The following MTCH2 variants were observed in gnomAD, a reference collection of about 807,000 sequenced individuals.
The protein encoded by MTCH2 is mitochondrial carrier homolog 2.
MTCH2 carries 25 observed loss-of-function variants against 50.6 expected under a neutral mutation model. The observed-to-expected ratio is 0.49, with a 90% CI of 0.36 to 0.69. The LOEUF is 0.69. MTCH2 is among the 30% of genes least tolerant of loss of function. The probability of loss-of-function intolerance (pLI) is 0.00; values close to 1 mark genes in which losing one functional copy is unlikely to be tolerated. For missense variants in MTCH2, 273 were observed against 384.4 expected, an observed-to-expected ratio of 0.71 and a Z score of 2.42; for synonymous variants, 106 against 132.0, an observed-to-expected ratio of 0.80 and a Z score of 1.35.
chr11:47,631,657 G>A lies in MTCH2; in HGVS notation c.424C>T (p.His142Tyr). The A allele has an allele frequency of 6.2e-7, 1 of 1,613,934 alleles. No homozygotes were observed. Among genetic ancestry groups the A allele is most frequent in the Non-Finnish European group, 8.5e-7 (1 of 1,179,912 alleles). The change falls in exon 6 of 13, where the codon CAT becomes TAT. Residue 142 changes from histidine to tyrosine, a missense_variant. Physicochemically the swap from His to Tyr is moderately conservative, Grantham distance 83 (BLOSUM62 2). Transcript: ENST00000302503. ...CAGTTGTCAACTGCAAACATACCATGGAAGGGATGTGTGATGAGGGTAGCA... is the reference window on the plus strand; with the variant it reads ...CAGTTGTCAACTGCAAACATACCATAGAAGGGATGTGTGATGAGGGTAGCA... ...SAATLITHPF[H>Y]VITLRSMVQF...
At chr11:47,611,559 G>A in the MTCH2 span, among the ~76,000 whole-genome samples, 106 of 152,350 alleles carry the variant, frequency 7.0e-4, no homozygotes, top group African/African-American at 2.2e-3. Flanking sequence ...TGGCTGCCTT[G>A]GCGAGGCAGA....
At chr11:47,638,292 T>C (rs61678207) in intron 3 of MTCH2, among the ~76,000 whole-genome samples, 1 of 125,172 alleles carries the variant, frequency 8.0e-6, no homozygotes, top group African/African-American at 3.0e-5. Flanking sequence ...CCGGGCGCGG[T>C]GGCTCATGCT....
chr11:47,624,008 C>T (rs969677902), intron 11 of MTCH2, among the ~76,000 whole-genome samples: 1 of 152,028 alleles, frequency 6.6e-6, no homozygotes, highest in African/African-American at 2.4e-5. Flanking sequence ...ACCAAGATCG[C>T]GCCACCACAA....
Position 47,626,985 on chromosome 11 carries a change from A to T in MTCH2, c.681+95T>A. ...AGATGTCCCAGTGAGACATCTGGTT[A>T]TCTTAAAGCAGTGATGACACAAGCC... On this transcript the variant is annotated intron_variant, in intron 10 of 12. Coordinates refer to ENST00000302503, the MANE Select transcript of MTCH2 (RefSeq NM_014342.4). 7.7e-6 allele frequency: 7 copies of T among 905,442 alleles called. No homozygotes were observed. In the South Asian group the frequency reaches 8.2e-5, roughly 11 times the overall value. The allele number at this position is 905,442 out of a possible 1,614,324, so 56.1% of individuals were successfully genotyped here.
chr11:47,607,912 C>T, the MTCH2 span, among the ~76,000 whole-genome samples: 2 of 152,204 alleles, frequency 1.3e-5, no homozygotes, highest in Admixed American at 6.5e-5. Context: ...TATAATAAAA[C>T]CACGAGTTCC....
chr11:47,609,439 C>A, the MTCH2 span, among the ~76,000 whole-genome samples: 2 of 120,158 alleles, frequency 1.7e-5, no homozygotes, highest in African/African-American at 6.5e-5. Context: ...GCCTGGGCGA[C>A]AGAGTGAGAT....
At chr11:47,629,899 A>G (rs1319643602) in intron 8 of MTCH2, among the ~76,000 whole-genome samples, 1 of 152,100 alleles carries the variant, frequency 6.6e-6, no homozygotes, top group East Asian at 1.9e-4. Context: ...ACAAGTTAAG[A>G]TGATTTCCCC....
chr11:47,640,810 A>G (rs2097313440), intron 1 of MTCH2, among the ~76,000 whole-genome samples: 1 of 152,194 alleles, frequency 6.6e-6, no homozygotes, highest in East Asian at 1.9e-4. Context: ...CAGAATTAAG[A>G]ATATTCAAAG....
intron 12 of MTCH2, 63 bp downstream of exon 12, chr11:47,622,638 T>C (rs761633280): frequency 6.9e-5 from 91 of 1,319,132 alleles, no homozygotes; most frequent in Non-Finnish European, 9.2e-5. Flanking sequence ...AGACAATATT[T>C]AAGAAAACAA....
chr11:47,642,293 G>T lies in MTCH2; in HGVS notation c.87+86C>A, dbSNP rs960522577. Reference sequence around the variant, plus strand: ...AGCATCTCGGGAGAATGAAAGGCCCGCAAGGCTGAGCCGATCCTCAGGCGC... The same window carrying T: ...AGCATCTCGGGAGAATGAAAGGCCCTCAAGGCTGAGCCGATCCTCAGGCGC... On this transcript the variant is annotated intron_variant, in intron 1 of 12. Coordinates refer to ENST00000302503, the MANE Select transcript of MTCH2 (RefSeq NM_014342.4). 4.2e-6 allele frequency: 5 copies of T among 1,193,004 alleles called. No individual in the cohort carries two copies. In the African/African-American group the frequency reaches 4.9e-5, roughly 12 times the overall value. The allele number at this position is 1,193,004 out of a possible 1,614,324, so 73.9% of individuals were successfully genotyped here.
At chr11:47,638,110 T>C (rs939652611) in intron 3 of MTCH2, among the ~76,000 whole-genome samples, 1 of 152,190 alleles carries the variant, frequency 6.6e-6, no homozygotes, top group South Asian at 2.1e-4. Flanking sequence ...ATATTCAGGG[T>C]ACCTGGTTAC....
chr11:47,631,747 C>T (rs773289740), intron 5 of MTCH2, 36 bp from the exon 6 acceptor site: 15 of 1,610,022 alleles, frequency 9.3e-6, no homozygotes, highest in Admixed American at 6.7e-5. Context: ...GAAATCTAAA[C>T]AAATGACACT....
At chr11:47,635,068 C>T (rs550605139) in intron 4 of MTCH2, among the ~76,000 whole-genome samples, 3 of 151,946 alleles carry the variant, frequency 2.0e-5, no homozygotes, top group East Asian at 3.9e-4. Context: ...CCACCATGGG[C>T]GGCCGATCTT....
chr11:47,621,590 G>A (rs1215188273), intron 12 of MTCH2, among the ~76,000 whole-genome samples: 2 of 151,900 alleles, frequency 1.3e-5, no homozygotes, highest in African/African-American at 2.4e-5. Context: ...ACGCTGCTAC[G>A]CCCAGCTAAT....
chr11:47,604,326 C>T, the MTCH2 span, among the ~76,000 whole-genome samples: 3 of 151,700 alleles, frequency 2.0e-5, no homozygotes, highest in African/African-American at 7.3e-5. Context: ...ATTATTTTTA[C>T]CTCTCAAACT....
intron 11 of MTCH2, among the ~76,000 whole-genome samples, chr11:47,624,069 A>G (rs978431677): frequency 2.0e-5 from 3 of 151,874 alleles, no homozygotes; most frequent in African/African-American, 7.3e-5. Context: ...ACAACAACAA[A>G]AAAATACAAA....
In MTCH2 at chr11:47,622,719, C is replaced by A. The variant is rs796096347; in HGVS notation, c.807G>T (p.Trp269Cys). 1.4e-6 allele frequency: 2 copies of A among 1,394,486 alleles called. No homozygotes were observed. The allele number at this position is 1,394,486 out of a possible 1,614,324, so 86.4% of individuals were successfully genotyped here. A position where few individuals can be genotyped will look rare whatever the true frequency, so the allele number is the denominator to read the frequency against. ...SPIYTSWIDC[W>C]CMLQKEGNMS... ...GAAATACCTCTTTTTGTAGCATGCACCAACAGTCTATCCAAGACGTATATA... is the reference window on the plus strand; with the variant it reads ...GAAATACCTCTTTTTGTAGCATGCAACAACAGTCTATCCAAGACGTATATA... Residue 269 changes from tryptophan (W) to cysteine (C), a missense_variant, in exon 12 of 13, where the codon TGG becomes TGT. Transcript: ENST00000302503.
chr11:47,609,245 A>G, the MTCH2 span, among the ~76,000 whole-genome samples: 1 of 151,212 alleles, frequency 6.6e-6, no homozygotes, highest in Admixed American at 6.6e-5. Flanking sequence ...ACCTGAGGTC[A>G]GGAGTTTGAG....
chr11:47,641,744 G>A (rs1038584310), intron 1 of MTCH2, among the ~76,000 whole-genome samples: 1 of 152,132 alleles, frequency 6.6e-6, no homozygotes, highest in Non-Finnish European at 1.5e-5. Context: ...TTCATTGTCA[G>A]GAGCCACATG....
Sources: gnomAD v4.1 joint callset for allele counts (sites outside exome capture counted in the v4.1 genomes callset) on GRCh38, gnomAD v4.1.1 for gene constraint, MANE v1.5 for transcripts, NCBI Gene and HGNC (gene_info 2026-07-23, HGNC 2026-07-21) for gene names.